GSE1: variants seen among roughly 807,000 people sequenced by gnomAD.
GSE1 encodes the protein Gse1 coiled-coil protein.
In GSE1, 32 loss-of-function variants were observed where a neutral mutation model predicts 112.6. That is an observed-to-expected ratio of 0.28 (90% CI 0.21 to 0.38). The LOEUF (loss-of-function observed/expected upper bound fraction) is 0.38, where lower values mean the gene tolerates loss of function less well. GSE1 is among the 10% of genes least tolerant of loss of function. GSE1 has a pLI of 1.00. For synonymous variants in GSE1, 1,115 were observed against 735.6 expected, an observed-to-expected ratio of 1.52 and a Z score of -8.35; for missense variants, 2,348 against 1,699.2, an observed-to-expected ratio of 1.38 and a Z score of -6.71.
chr16:85,451,401 TGC>T, intron 2 of GSE1, among the ~76,000 whole-genome samples: 1 of 152,150 alleles, frequency 6.6e-6, no homozygotes, highest in Non-Finnish European at 1.5e-5. Flanking sequence ...TCTAAGTTGG[TGC>T]GTGAGCTGGT....
At chr16:85,372,046 C>T (rs943480818) in intron 2 of GSE1, among the ~76,000 whole-genome samples, 1 of 152,170 alleles carries the variant, frequency 6.6e-6, no homozygotes, top group African/African-American at 2.4e-5. Flanking sequence ...ACACCAAAGC[C>T]CTGGTGCTCC....
intron 1 of GSE1, among the ~76,000 whole-genome samples, chr16:85,590,836 C>T (rs1245334002): frequency 6.6e-6 from 1 of 152,198 alleles, no homozygotes; most frequent in African/African-American, 2.4e-5. Flanking sequence ...CTCTTGGGAC[C>T]CCTCTTTTCC....
intron 2 of GSE1, among the ~76,000 whole-genome samples, chr16:85,639,182 C>G (rs1194259071): frequency 1.3e-5 from 2 of 152,198 alleles, no homozygotes; most frequent in Non-Finnish European, 2.9e-5. Context: ...TCCCAGCCAC[C>G]AAAGGGACGT....
chr16:85,612,722 A>G (rs1405763954), upstream of GSE1, among the ~76,000 whole-genome samples: 1 of 151,972 alleles, frequency 6.6e-6, no homozygotes, highest in Non-Finnish European at 1.5e-5. Context: ...GCTTGGGTAC[A>G]CAGTCTGTTT....
intron 2 of GSE1, among the ~76,000 whole-genome samples, chr16:85,473,140 G>T (rs1248095190): frequency 6.6e-6 from 1 of 152,282 alleles, no homozygotes; most frequent in Non-Finnish European, 1.5e-5. Flanking sequence ...CGCAGAAACT[G>T]TCCTTTGTTC....
At chr16:85,667,044 T>G (rs1467148326) in intron 13 of GSE1, among the ~76,000 whole-genome samples, 1 of 152,378 alleles carries the variant, frequency 6.6e-6, no homozygotes, top group East Asian at 1.9e-4. Context: ...CCACTTTATA[T>G]CAGGGACTTG....
intron 2 of GSE1, among the ~76,000 whole-genome samples, chr16:85,500,807 T>A (rs919991456): frequency 2.0e-5 from 3 of 152,096 alleles, no homozygotes; most frequent in African/African-American, 7.2e-5. Context: ...GATCGAGGTG[T>A]CTGCAGAGCC....
chr16:85,390,264 G>A (rs542610034), intron 2 of GSE1, among the ~76,000 whole-genome samples: 2 of 152,174 alleles, frequency 1.3e-5, no homozygotes, highest in East Asian at 3.9e-4. Flanking sequence ...CACAGGCACG[G>A]TTCTGCTGGC....
upstream of GSE1, chr16:85,555,104 AGCCGCCGCC>A (rs907578368): frequency 2.1e-5 from 21 of 984,930 alleles, no homozygotes; most frequent in East Asian, 8.0e-4. Context: ...AGACGGAAGG[AGCCGCCGCC>A]GCCGCCGCCT....
rs923809413 is a variant in GSE1, at chr16:85,650,863, G to A, written c.426+2112G>A. On this transcript the variant is annotated intron_variant, in intron 3 of 15. Transcript: ENST00000253458. ...GGACGTGGGTGGCAGTTGCCGGGCCGGAGGCTTCTCGGCCCCTTCTCGGGG... is the reference window on the plus strand; with the variant it reads ...GGACGTGGGTGGCAGTTGCCGGGCCAGAGGCTTCTCGGCCCCTTCTCGGGG... Among the ~76,000 whole-genome samples, 14 of 151,274 alleles carry A rather than the reference G, an allele frequency of 9.3e-5. No homozygotes were observed. In the East Asian group the frequency reaches 1.2e-3, roughly 13 times the overall value.
At chr16:85,627,947 G>C (rs1486997021) in intron 1 of GSE1, among the ~76,000 whole-genome samples, 2 of 152,200 alleles carry the variant, frequency 1.3e-5, no homozygotes, top group African/African-American at 2.4e-5. Context: ...GAGGAGGCCC[G>C]CATCGGTCTC....
intron 2 of GSE1, among the ~76,000 whole-genome samples, chr16:85,393,070 C>CA (rs1485393823): frequency 1.3e-5 from 2 of 152,218 alleles, no homozygotes; most frequent in Admixed American, 1.3e-4. Flanking sequence ...GCAGGGCCTG[C>CA]AGTCGTTGCT....
chr16:85,629,783 C>T (rs766536970), intron 1 of GSE1, among the ~76,000 whole-genome samples: 1 of 152,164 alleles, frequency 6.6e-6, no homozygotes, highest in African/African-American at 2.4e-5. Context: ...TCTCTGTGTG[C>T]AGATAGTTTC....
At chr16:85,651,412 C>A (rs1328913543) in intron 3 of GSE1, among the ~76,000 whole-genome samples, 1 of 152,074 alleles carries the variant, frequency 6.6e-6, no homozygotes, top group African/African-American at 2.4e-5. Context: ...TGCCCCCCAG[C>A]CCCCCGGACT....
chr16:85,610,785 G>T (rs1375116281), upstream of GSE1, among the ~76,000 whole-genome samples: 2 of 152,220 alleles, frequency 1.3e-5, no homozygotes, highest in East Asian at 3.9e-4. Flanking sequence ...GGCGCAGCTT[G>T]CATGTCACCT....
At chr16:85,248,370 G>A (rs74803647) in intron 1 of GSE1, among the ~76,000 whole-genome samples, 3,617 of 151,974 alleles carry the variant, frequency 0.024, 73 homozygotes, top group Non-Finnish European at 0.034. Flanking sequence ...CTCTCCTTTT[G>A]TCTATCTCTC....
chr16:85,337,380 A>G (rs1377856215), intron 1 of GSE1, among the ~76,000 whole-genome samples: 2 of 143,162 alleles, frequency 1.4e-5, no homozygotes, highest in African/African-American at 2.6e-5. Context: ...ATCTCGGCTC[A>G]CTGCAAGCTC....
intron 1 of GSE1, among the ~76,000 whole-genome samples, chr16:85,240,499 C>A (rs531734263): frequency 1.9e-4 from 29 of 152,344 alleles, no homozygotes; most frequent in African/African-American, 6.3e-4. Context: ...GCCAGCTTCC[C>A]TGTTGGGGTT....
At chr16:85,253,892 A>G (rs1906785996) in intron 1 of GSE1, among the ~76,000 whole-genome samples, 1 of 151,978 alleles carries the variant, frequency 6.6e-6, no homozygotes, top group South Asian at 2.1e-4. Context: ...GGCAGAGGGA[A>G]CTGTGTGTGC....
Sources: allele counts gnomAD v4.1 joint callset (sites outside exome capture counted in the v4.1 genomes callset), GRCh38; gene constraint gnomAD v4.1.1; transcripts MANE v1.5; gene names NCBI Gene and HGNC (gene_info 2026-07-23, HGNC 2026-07-21).